PIWIL1: variants seen among roughly 807,000 people sequenced by gnomAD.
PIWIL1 encodes piwi like RNA-mediated gene silencing 1.
A neutral mutation model predicts 114.4 loss-of-function variants in PIWIL1; 73 were observed. The ratio of observed to expected loss-of-function variants is 0.64; its 90% confidence interval spans 0.53 to 0.78. The LOEUF (loss-of-function observed/expected upper bound fraction) is 0.78, where lower values mean the gene tolerates loss of function less well. PIWIL1 is among the 30% of genes least tolerant of loss of function. PIWIL1 has a pLI of 0.00. For synonymous variants in PIWIL1, 375 were observed against 369.0 expected (o/e 1.02, Z -0.19); for missense variants, 723 against 1,063.1 (o/e 0.68, Z 4.45).
At position 130,371,739 on chromosome 12, in the gene PIWIL1, G is replaced by T; in HGVS notation, c.*141G>T. 1.4e-5 allele frequency: 7 copies of T among 500,172 alleles called. No individual in the cohort carries two copies. The highest frequency in any genetic ancestry group is 6.4e-5 in the East Asian group (2 of 31,298). The allele number at this position is 500,172 out of a possible 1,614,324, so 31.0% of individuals were successfully genotyped here. A position where few individuals can be genotyped will look rare whatever the true frequency, so the allele number is the denominator to read the frequency against. On this transcript the variant is annotated 3_prime_UTR_variant, in exon 21 of 21. Transcript: ENST00000245255. ...TAGGAGATCTAGCATTTTATTTCTA[G>T]CATTGCTATTCACCGGCTTCCTTAT...
At chr12:130,424,786 TC>T in the PIWIL1 span, 1 of 1,232,768 alleles carries the variant, frequency 8.1e-7, no homozygotes, top group South Asian at 4.1e-5. This position sits in a 1 kb window ranked among gnomAD's most constrained non-coding sequence, Gnocchi z 9.8. Flanking sequence ...AAAAGTCTCT[TC>T]CTGTGGGGCT....
chr12:130,353,322 T>TTG (rs1555228025), intron 9 of PIWIL1, among the ~76,000 whole-genome samples: 3 of 134,300 alleles, frequency 2.2e-5, no homozygotes, highest in Admixed American at 2.2e-4. Flanking sequence ...TGTGTGGTTT[T>TTG]TTCTTCTGGT....
chr12:130,392,238 G>T, the PIWIL1 span, among the ~76,000 whole-genome samples: 15 of 122,758 alleles, frequency 1.2e-4, no homozygotes, highest in East Asian at 4.8e-4. Context: ...ACGTTGTGAT[G>T]ACCCGGTCAC....
rs915451915 is a variant in PIWIL1 at position 130,349,451 on chromosome 12, T to C, written c.932+15T>C. 1.3e-6 allele frequency: 2 copies of C among 1,538,406 alleles called. No individual in the cohort carries two copies. Among genetic ancestry groups the C allele is most frequent in the African/African-American group, 2.7e-5 (2 of 73,374 alleles). On this transcript the variant is annotated intron_variant, in intron 8 of 20. Coordinates refer to ENST00000245255, the MANE Select transcript of PIWIL1 (RefSeq NM_004764.5). Reference sequence around the variant, plus strand: ...GTTCTTACCAAGTAAGACTGCTTTTTAAAGTGCACAATAATTTTTTGTGAG... The same window carrying C: ...GTTCTTACCAAGTAAGACTGCTTTTCAAAGTGCACAATAATTTTTTGTGAG...
At chr12:130,343,396 A>G (rs574356774) in intron 3 of PIWIL1, among the ~76,000 whole-genome samples, 2 of 152,350 alleles carry the variant, frequency 1.3e-5, no homozygotes, top group African/African-American at 2.4e-5. Flanking sequence ...CTGTAGAGGT[A>G]AAGATCATTG....
At chr12:130,409,189 T>C in the PIWIL1 span, among the ~76,000 whole-genome samples, 1 of 152,114 alleles carries the variant, frequency 6.6e-6, no homozygotes, top group Non-Finnish European at 1.5e-5. Context: ...GCACACACAG[T>C]CCAGAAACCC....
Position 130,345,817 on chromosome 12 carries a change from T to C in PIWIL1, c.255T>C (p.Asp85=). Residue 85 remains aspartate (D), a synonymous_variant, in exon 4 of 21, where the codon GAT becomes GAC. Coordinates refer to ENST00000245255, the MANE Select transcript of PIWIL1 (RefSeq NM_004764.5). The part of the protein sequence containing the change: ...SLAERGGRRR[D]FHDLGVNTRQ... ...CAGAGAGAGGAGGTCGTCGTAGAGA[T>C]TTTCATGATCTTGGTGTGAATACAA... 1 of 1,614,028 alleles carries C rather than the reference T, an allele frequency of 6.2e-7. No individual in the cohort carries two copies. The highest frequency in any genetic ancestry group is 8.5e-7 in the Non-Finnish European group (1 of 1,179,914).
the PIWIL1 span, among the ~76,000 whole-genome samples, chr12:130,418,094 G>A: frequency 5.9e-3 from 905 of 152,276 alleles, 12 homozygotes; most frequent in African/African-American, 0.021. Context: ...GAACCAAACC[G>A]TTTGGCCTCT....
At chr12:130,396,604 C>G in the PIWIL1 span, 1 of 152,642 alleles carries the variant, frequency 6.6e-6, no homozygotes. Context: ...ACGAAAGTAA[C>G]AGAAAACCAT....
At chr12:130,369,171 G>T (rs1200718739) in intron 19 of PIWIL1, among the ~76,000 whole-genome samples, 1 of 152,144 alleles carries the variant, frequency 6.6e-6, no homozygotes, top group Admixed American at 6.5e-5. Context: ...TCCTGCATTA[G>T]TTTGCTGAGG....
At chr12:130,342,729 T>A in intron 2 of PIWIL1, 60 bp downstream of exon 2, 2 of 1,308,066 alleles carry the variant, frequency 1.5e-6, no homozygotes, top group Non-Finnish European at 2.2e-6. Flanking sequence ...CAGCCTAGGC[T>A]GTTGAAAATA....
chr12:130,372,064 T>G lies in PIWIL1; in HGVS notation c.*466T>G, dbSNP rs972856265. On this transcript the variant is annotated 3_prime_UTR_variant, in exon 21 of 21. Transcript: ENST00000245255. ...ACCATAGGTGGGGTTTCAGCTCATA[T>G]CTTAAAGATAAAAGGTACTATTATA... The G allele has an allele frequency of 1.3e-5, 2 of 152,898 alleles. No individual in the cohort carries two copies. Among genetic ancestry groups the G allele is most frequent in the African/African-American group, 4.8e-5 (2 of 41,446 alleles). The allele number at this position is 152,898 out of a possible 1,614,324, so 9.5% of individuals were successfully genotyped here. A position where few individuals can be genotyped will look rare whatever the true frequency, so the allele number is the denominator to read the frequency against.
chr12:130,362,118 G>C (rs1016627022), intron 16 of PIWIL1, among the ~76,000 whole-genome samples: 3 of 152,176 alleles, frequency 2.0e-5, no homozygotes, highest in Non-Finnish European at 4.4e-5. Flanking sequence ...GTGCAGGTTT[G>C]TTACATAGGT....
chr12:130,381,348 C>T, the PIWIL1 span, among the ~76,000 whole-genome samples: 1 of 152,186 alleles, frequency 6.6e-6, no homozygotes, highest in African/African-American at 2.4e-5. Flanking sequence ...CCCTCCAACC[C>T]GTTGTAACCA....
At chr12:130,357,440 G>T (rs760343368) in intron 13 of PIWIL1, 41 bp from the exon 14 acceptor site, 1 of 1,448,588 alleles carries the variant, frequency 6.9e-7, no homozygotes, top group South Asian at 1.2e-5. Flanking sequence ...TCCATTTGTC[G>T]CTACTGTGTC....
At chr12:130,402,652 C>G in the PIWIL1 span, among the ~76,000 whole-genome samples, 15 of 152,140 alleles carry the variant, frequency 9.9e-5, no homozygotes, top group African/African-American at 1.7e-4. Flanking sequence ...TCTCTATTTG[C>G]GGCCAAACAG....
chr12:130,369,488 G>T (rs911851900), intron 19 of PIWIL1, among the ~76,000 whole-genome samples: 1 of 152,030 alleles, frequency 6.6e-6, no homozygotes, highest in Non-Finnish European at 1.5e-5. Flanking sequence ...TTCCACAATG[G>T]TTGAACTAAT....
At chr12:130,413,173 T>C in the PIWIL1 span, among the ~76,000 whole-genome samples, 324 of 152,318 alleles carry the variant, frequency 2.1e-3, no homozygotes, top group Middle Eastern at 0.01. Context: ...AATGGGTTCC[T>C]ACGTAACAAG....
chr12:130,396,069 TAA>T, the PIWIL1 span: 1 of 151,450 alleles, frequency 6.6e-6, no homozygotes, highest in South Asian at 2.1e-4. Context: ...TTGTAAACAT[TAA>T]GAGAAAGGAA....
Sources: gnomAD v4.1 joint callset for allele counts (sites outside exome capture counted in the v4.1 genomes callset) on GRCh38, gnomAD v4.1.1 for gene constraint, Gnocchi (gnomAD v3.1) non-coding constraint, MANE v1.5 for transcripts, NCBI Gene and HGNC (gene_info 2026-07-23, HGNC 2026-07-21) for gene names.